FAM13A: variants seen among roughly 807,000 people sequenced by gnomAD.
The protein encoded by FAM13A is family with sequence similarity 13 member A.
Under a neutral mutation model 129.6 loss-of-function variants are expected in FAM13A, and 76 were observed. That is an observed-to-expected ratio of 0.59 (90% CI 0.49 to 0.71). FAM13A has a LOEUF of 0.71. Among genes scored for constraint, FAM13A ranks in the 30% least tolerant of loss-of-function variants. FAM13A has a pLI of 0.00. For missense variants in FAM13A, 1,108 were observed against 1,249.3 expected, an observed-to-expected ratio of 0.89 and a Z score of 1.70; for synonymous variants, 443 against 449.9, an observed-to-expected ratio of 0.98 and a Z score of 0.20.
rs186630545 is a variant in FAM13A at position 88,832,878 on chromosome 4, G to A, written c.1007+18142C>T. Among the ~76,000 whole-genome samples the A allele has an allele frequency of 1.3e-3, 203 of 151,940 alleles. 1 individual carries two copies. Among genetic ancestry groups the A allele is most frequent in the African/African-American group, 4.7e-3 (195 of 41,424 alleles). On this transcript the variant is annotated intron_variant, in intron 7 of 23. Transcript: ENST00000264344. Reference sequence around the variant, plus strand: ...ATTTGACTCAGCAATCCCATTAGTGGGTATATACACCCCAAAATATAAATC... The same window carrying A: ...ATTTGACTCAGCAATCCCATTAGTGAGTATATACACCCCAAAATATAAATC...
At chr4:88,991,391 T>C (rs779666899) in intron 3 of FAM13A, among the ~76,000 whole-genome samples, 3 of 152,064 alleles carry the variant, frequency 2.0e-5, no homozygotes, top group Non-Finnish European at 4.4e-5. Context: ...TGAGCCGAGA[T>C]TGCGCCACTG....
intron 5 of FAM13A, among the ~76,000 whole-genome samples, chr4:88,932,971 A>C (rs1305822987): frequency 6.6e-6 from 1 of 152,188 alleles, no homozygotes; most frequent in East Asian, 1.9e-4. Flanking sequence ...GCACTCCTCA[A>C]CTTAGTGATA....
chr4:88,999,632 G>A (rs1274893109), intron 3 of FAM13A, among the ~76,000 whole-genome samples: 1 of 152,134 alleles, frequency 6.6e-6, no homozygotes, highest in Non-Finnish European at 1.5e-5. Flanking sequence ...TCAGCTATAA[G>A]TGGCCTGTAA....
At chr4:88,961,731 C>T (rs985702429) in intron 4 of FAM13A, among the ~76,000 whole-genome samples, 1 of 152,018 alleles carries the variant, frequency 6.6e-6, no homozygotes, top group East Asian at 1.9e-4. Context: ...AAATGTATGA[C>T]ATGATAGATG....
At position 88,938,234 on chromosome 4, in the gene FAM13A, G is replaced by A; in HGVS notation, c.613C>T (p.Pro205Ser). 6.2e-7 allele frequency: 1 copy of A among 1,602,334 alleles called. No individual in the cohort carries two copies. Among genetic ancestry groups the A allele is most frequent in the Admixed American group, 1.7e-5 (1 of 57,286 alleles). ...VFGPNCFHVP[P>S]GLEGMKEQDL... ...TGTTCCTTCATGCCTTCAAGCCCAG[G>A]TGGCACACTAGAAACAAGAAAGGGA... The change falls in exon 5 of 24, where the codon CCT becomes TCT. Residue 205 changes from proline (P) to serine (S), a missense_variant. Transcript: ENST00000264344.
intron 23 of FAM13A, chr4:88,729,137 G>C (rs1450350416): frequency 6.7e-6 from 1 of 150,104 alleles, no homozygotes; most frequent in Non-Finnish European, 1.4e-5. Context: ...GAATTCAGCA[G>C]CTGGATTACA....
chr4:88,958,881 C>A (rs1003815923), intron 4 of FAM13A, among the ~76,000 whole-genome samples: 1 of 152,206 alleles, frequency 6.6e-6, no homozygotes, highest in Admixed American at 6.5e-5. Context: ...CCTGCAAAGC[C>A]AAAAGGGTAG....
chr4:88,791,535 C>T (rs1725152044), intron 8 of FAM13A, among the ~76,000 whole-genome samples: 1 of 152,068 alleles, frequency 6.6e-6, no homozygotes, highest in Non-Finnish European at 1.5e-5. Context: ...TTAAAAGTGC[C>T]TATCCTTTAA....
chr4:89,020,608 T>A lies in FAM13A; in HGVS notation c.279A>T (p.Arg93=). ...NGNVKVVEQL[R]LKFESGVPVE... ...CGGGCACTCCACTCTCGAACTTCAGTCGAAGTTGTTCCACCACCTTCACGT... is the reference window on the plus strand; with the variant it reads ...CGGGCACTCCACTCTCGAACTTCAGACGAAGTTGTTCCACCACCTTCACGT... The change falls in exon 3 of 24, where the codon CGA becomes CGT. Residue 93 remains arginine, a synonymous_variant. Coordinates refer to ENST00000264344, the MANE Select transcript of FAM13A (RefSeq NM_014883.4). 1.9e-6 allele frequency: 3 copies of A among 1,614,148 alleles called. No homozygotes were observed. Among genetic ancestry groups the A allele is most frequent in the Non-Finnish European group, 2.5e-6 (3 of 1,180,032 alleles).
chr4:88,809,309 T>C (rs1366446992), intron 7 of FAM13A, among the ~76,000 whole-genome samples: 1 of 152,206 alleles, frequency 6.6e-6, no homozygotes, highest in Non-Finnish European at 1.5e-5. Flanking sequence ...TTCAACTTTC[T>C]AATTGGTTAA....
At chr4:88,964,582 T>C (rs1759091878) in intron 4 of FAM13A, among the ~76,000 whole-genome samples, 1 of 151,766 alleles carries the variant, frequency 6.6e-6, no homozygotes, top group Non-Finnish European at 1.5e-5. Flanking sequence ...TAGCACATAA[T>C]GAATCATAAA....
At chr4:89,025,242 A>AT (rs1560851172) in intron 2 of FAM13A, among the ~76,000 whole-genome samples, 3 of 55,444 alleles carry the variant, frequency 5.4e-5, no homozygotes, top group African/African-American at 1.2e-4. Context: ...CCATGGAATC[A>AT]TTGTTTTTTT....
At position 88,920,464 on chromosome 4, in the gene FAM13A, A is replaced by C. The variant is rs569458938; in HGVS notation, c.760-14002T>G. Among the ~76,000 whole-genome samples, 4 of 152,266 alleles carry C rather than the reference A, an allele frequency of 2.6e-5. No homozygotes were observed. The South Asian group carries it at 8.3e-4, about 32-fold the overall frequency. ...AGGGTCTGGAGTGGACCTCTAGCAA[A>C]CTCCAACAGACCTGCAGCTGAGGGT... On this transcript the variant is annotated intron_variant, in intron 5 of 23. Coordinates refer to ENST00000264344, the MANE Select transcript of FAM13A (RefSeq NM_014883.4).
intron 14 of FAM13A, among the ~76,000 whole-genome samples, chr4:88,751,612 TAAAAA>T (rs10542643): frequency 6.7e-6 from 1 of 148,880 alleles, no homozygotes; most frequent in African/African-American, 2.5e-5. Flanking sequence ...GATAATCTGT[TAAAAA>T]AAAAAAAAAC....
intron 5 of FAM13A, among the ~76,000 whole-genome samples, chr4:88,908,667 T>A (rs1242062980): frequency 6.6e-6 from 1 of 152,234 alleles, no homozygotes; most frequent in Non-Finnish European, 1.5e-5. Context: ...ATATTTACTT[T>A]TTGTTTTATG....
At chr4:88,827,722 G>T (rs188625048) in intron 7 of FAM13A, among the ~76,000 whole-genome samples, 10 of 152,096 alleles carry the variant, frequency 6.6e-5, no homozygotes, top group Non-Finnish European at 1.5e-4. Flanking sequence ...TAATCAATCT[G>T]CCTAGGTTAT....
chr4:88,745,167 C>G (rs185964591), intron 19 of FAM13A, among the ~76,000 whole-genome samples: 1 of 151,114 alleles, frequency 6.6e-6, no homozygotes, highest in Non-Finnish European at 1.5e-5. Flanking sequence ...AGATAAACGT[C>G]TGTGTGTGTG....
At chr4:88,942,593 TA>T (rs368082655) in intron 4 of FAM13A, among the ~76,000 whole-genome samples, 3,283 of 143,364 alleles carry the variant, frequency 0.023, 101 homozygotes, top group African/African-American at 0.076. Flanking sequence ...AATAGAAATG[TA>T]AAAAAAAAAA....
At chr4:88,751,674 C>T (rs1369397140) in intron 14 of FAM13A, among the ~76,000 whole-genome samples, 2 of 151,336 alleles carry the variant, frequency 1.3e-5, no homozygotes, top group African/African-American at 4.9e-5. Flanking sequence ...GAGAAGAGGG[C>T]AACTGTCTAC....
Sources: allele counts gnomAD v4.1 joint callset (sites outside exome capture counted in the v4.1 genomes callset), GRCh38; gene constraint gnomAD v4.1.1; transcripts MANE v1.5; gene names NCBI Gene and HGNC (gene_info 2026-07-23, HGNC 2026-07-21).